HAP1: variants seen among roughly 807,000 people sequenced by gnomAD.
HAP1 encodes the protein huntingtin associated protein 1, also known as huntingtin-associated protein 1.
Under a neutral mutation model 60.3 loss-of-function variants are expected in HAP1, and 59 were observed. The observed-to-expected ratio is 0.98, with a 90% CI of 0.79 to 1.22. The LOEUF is 1.22. Ranked by LOEUF, HAP1 falls within the 50% of genes most tolerant of loss-of-function variation. HAP1 has a pLI of 0.00. For synonymous variants in HAP1, 346 were observed against 330.6 expected, an observed-to-expected ratio of 1.05 and a Z score of -0.50; for missense variants, 825 against 785.3, an observed-to-expected ratio of 1.05 and a Z score of -0.60.
chr17:41,727,244 G>A (rs1239449397), intron 8 of HAP1, 100 bp from the exon 9 acceptor site: 1 of 801,582 alleles, frequency 1.2e-6, no homozygotes, highest in Non-Finnish European at 2.3e-6. Flanking sequence ...AGCCACCAAG[G>A]CTGAGACACA....
At chr17:41,727,496 C>G in intron 8 of HAP1, 1 of 766,678 alleles carries the variant, frequency 1.3e-6, no homozygotes, top group East Asian at 2.4e-5. Context: ...TCCTGCCTAT[C>G]TGCTCTCAGG....
chr17:41,727,950 T>A, intron 7 of HAP1, 114 bp from the exon 8 acceptor site: 1 of 742,658 alleles, frequency 1.3e-6, no homozygotes, highest in Non-Finnish European at 2.3e-6. Context: ...GCCCATGAAA[T>A]GACAAGTCAC....
In HAP1 at chr17:41,727,928, G is replaced by A. The variant is rs562773440; in HGVS notation, c.1201-92C>T. The A allele has an allele frequency of 1.8e-5, 15 of 818,868 alleles. No individual in the cohort carries two copies. In the African/African-American group the frequency reaches 2.2e-4, roughly 12 times the overall value. The allele number at this position is 818,868 out of a possible 1,614,324, so 50.7% of individuals were successfully genotyped here. On this transcript the variant is annotated intron_variant, in intron 7 of 10. Coordinates refer to ENST00000347901, the MANE Select transcript of HAP1 (RefSeq NM_177977.3). ...AGCAAGTCTTCCCAGGCACATCAGT[G>A]AGTCCTTGGCAGCCCATGAAATGAC...
chr17:41,726,560 C>CA (rs57464420), intron 9 of HAP1, among the ~76,000 whole-genome samples: 5,805 of 113,748 alleles, frequency 0.051, 262 homozygotes, highest in African/African-American at 0.13. Context: ...AGACTCGTCT[C>CA]AAAAAAAAAA....
downstream of HAP1, among the ~76,000 whole-genome samples, chr17:41,719,653 A>G (rs1334719888): frequency 2.6e-5 from 4 of 151,520 alleles, no homozygotes; most frequent in African/African-American, 9.7e-5. Flanking sequence ...AGATCACGCC[A>G]TTGCACTCCA....
In HAP1 at chr17:41,734,460, G is replaced by A. The variant is rs782036001; in HGVS notation, c.175C>T (p.Gln59Ter). The stretch of plus-strand genomic sequence containing the variant: ...CCGGTGCGGGCTTCCGAGAGGAACT[G>A]GGATCCAGAGGTGGCTCGGGATCCT... ...RVGSRATSGS[Q>*]FLSEARTGAR... Residue 59 changes from glutamine (Q) to a stop codon, truncating the protein, a stop_gained, in exon 1 of 11, where the codon CAG becomes TAG. Transcript: ENST00000347901. LOFTEE classifies it high-confidence loss of function. 12 of 1,610,200 alleles carry A rather than the reference G, an allele frequency of 7.5e-6. No homozygotes were observed. The highest frequency in any genetic ancestry group is 4.2e-6 in the Non-Finnish European group (5 of 1,177,984).
chr17:41,724,898 C>A lies in HAP1; in HGVS notation c.1663G>T (p.Val555Leu). The A allele has an allele frequency of 6.2e-7, 1 of 1,613,712 alleles. No homozygotes were observed. The change falls in exon 11 of 11, where the codon GTG (valine) becomes TTG (leucine). Residue 555 changes from valine (V) to leucine (L), a missense_variant. By Grantham distance (32) the Val-to-Leu change is conservative. Transcript: ENST00000347901. ...LELDEATRMNVVTSALEASGL... is the reference protein window; with the variant it reads ...LELDEATRMNLVTSALEASGL... Reference sequence around the variant, plus strand: ...CTGGCCTCCAGGGCTGATGTCACCACGTTCATCCGCGTTGCCTCATCCAGC... The same window carrying A: ...CTGGCCTCCAGGGCTGATGTCACCAAGTTCATCCGCGTTGCCTCATCCAGC...
rs782547102 is a variant in HAP1 at position 41,728,292 on chromosome 17, A to G, written c.1109T>C (p.Leu370Pro). 9 of 1,613,608 alleles carry G rather than the reference A, an allele frequency of 5.6e-6. No homozygotes were observed. Among genetic ancestry groups the G allele is most frequent in the South Asian group, 3.3e-5 (3 of 91,084 alleles). ...TTCATAGTTTTCCAGCCTGAGCACC[A>G]GCACCTCCGACAGCTCAGCCATCTG... ...SQQMAELSEV[L>P]VLRLENYERQ... The change falls in exon 7 of 11, where the codon CTG (leucine) becomes CCG (proline). Residue 370 changes from leucine to proline, a missense_variant. By Grantham distance (98) the Leu-to-Pro change is moderately conservative. Coordinates refer to ENST00000347901, the MANE Select transcript of HAP1 (RefSeq NM_177977.3).
intron 9 of HAP1, among the ~76,000 whole-genome samples, chr17:41,726,237 T>C (rs2143202067): frequency 6.6e-6 from 1 of 151,962 alleles, no homozygotes; most frequent in South Asian, 2.1e-4. Context: ...ACATCTCTAC[T>C]GGCCCATCTC....
At position 41,724,907 on chromosome 17, in the gene HAP1, G is replaced by A. The variant is rs782522588; in HGVS notation, c.1654C>T (p.Arg552Trp). The stretch of plus-strand genomic sequence containing the variant: ...AGGGCTGATGTCACCACGTTCATCC[G>A]CGTTGCCTCATCCAGCTCCAGTTCC... ...EVELELDEAT[R>W]MNVVTSALEA... Residue 552 changes from arginine (R) to tryptophan (W), a missense_variant, in exon 11 of 11, where the codon CGG becomes TGG. Arg to Trp is a moderately radical substitution (Grantham distance 101). Coordinates refer to ENST00000347901, the MANE Select transcript of HAP1 (RefSeq NM_177977.3). 1.9e-5 allele frequency: 30 copies of A among 1,613,490 alleles called. No homozygotes were observed. In the East Asian group the frequency reaches 4.7e-4, roughly 25 times the overall value.
At chr17:41,730,803 T>C (rs1307613500) in intron 6 of HAP1, among the ~76,000 whole-genome samples, 1 of 152,210 alleles carries the variant, frequency 6.6e-6, no homozygotes, top group Non-Finnish European at 1.5e-5. Context: ...GCACAGCCAC[T>C]GCCCCGTGCA....
intron 10 of HAP1, among the ~76,000 whole-genome samples, 199 bp downstream of exon 10, chr17:41,725,660 G>T (rs1911571456): frequency 6.6e-6 from 1 of 152,186 alleles, no homozygotes; most frequent in South Asian, 2.1e-4. Context: ...ACTCAGAGCT[G>T]CCTGGAATCA....
chr17:41,732,524 T>C, intron 2 of HAP1, 130 bp from the exon 3 acceptor site: 2 of 1,068,740 alleles, frequency 1.9e-6, no homozygotes, highest in Non-Finnish European at 2.7e-6. Context: ...TTTCCCCTCA[T>C]GGAAAAAGAA....
intron 8 of HAP1, 28 bp downstream of exon 8, chr17:41,727,734 G>T (rs369511839): frequency 8.5e-6 from 13 of 1,527,726 alleles, no homozygotes; most frequent in East Asian, 4.5e-5. Context: ...TCTCCAGGGT[G>T]GGGGCAGAAG....
chr17:41,725,996 G>A (rs1431584683), intron 9 of HAP1, 99 bp from the exon 10 acceptor site: 1 of 894,520 alleles, frequency 1.1e-6, no homozygotes, highest in African/African-American at 1.6e-5. Flanking sequence ...GTGGCCATGA[G>A]CAGTGGCTCA....
chr17:41,723,932 C>G lies in HAP1; in HGVS notation c.*769G>C, dbSNP rs1180213178. 6.6e-6 allele frequency: 1 copy of G among 152,386 alleles called. No individual in the cohort carries two copies. The highest frequency in any genetic ancestry group is 2.4e-5 in the African/African-American group (1 of 41,462). The allele number at this position is 152,386 out of a possible 1,614,324, so 9.4% of individuals were successfully genotyped here. ...TGTCCTTAGCTCTCTGAGCCTCACC[C>G]TCCTCACCTAACCAATGGGGACACA... is the stretch of plus-strand genomic sequence containing the variant. On this transcript the variant is annotated 3_prime_UTR_variant, in exon 11 of 11. Coordinates refer to ENST00000347901, the MANE Select transcript of HAP1 (RefSeq NM_177977.3).
chr17:41,729,436 G>A (rs1911949287), intron 6 of HAP1, among the ~76,000 whole-genome samples: 2 of 147,840 alleles, frequency 1.4e-5, no homozygotes, highest in Admixed American at 6.8e-5. Flanking sequence ...TGTAATCCCA[G>A]CTACTCGGGA....
chr17:41,725,616 C>T (rs1911568670), intron 10 of HAP1, among the ~76,000 whole-genome samples: 1 of 152,178 alleles, frequency 6.6e-6, no homozygotes, highest in African/African-American at 2.4e-5. Flanking sequence ...CACCTCTCAG[C>T]CCATAGTCAG....
Position 41,731,718 on chromosome 17 carries a change from G to C in HAP1, c.922C>G (p.Gln308Glu), listed in dbSNP as rs139058506. The change falls in exon 5 of 11, where the codon CAG becomes GAG. Residue 308 changes from glutamine to glutamate, a missense_variant. Transcript: ENST00000347901. Reference sequence around the variant, plus strand: ...GCTTCCAGCTGTGGGCAGTGGTGCTGGTGCAGCAATGCCTCCTGCGAAATC... The same window carrying C: ...GCTTCCAGCTGTGGGCAGTGGTGCTCGTGCAGCAATGCCTCCTGCGAAATC... Reference protein sequence around the residue: ...KLISQEALLHQHHCPQLEALQ... With the variant: ...KLISQEALLHEHHCPQLEALQ... The C allele has an allele frequency of 1.7e-5, 27 of 1,613,442 alleles. No individual in the cohort carries two copies. The African/African-American group carries it at 3.3e-4, about 20-fold the overall frequency.
Sources: gnomAD v4.1 joint callset for allele counts (sites outside exome capture counted in the v4.1 genomes callset) on GRCh38, gnomAD v4.1.1 for gene constraint, MANE v1.5 for transcripts, NCBI Gene and HGNC (gene_info 2026-07-23, HGNC 2026-07-21) for gene names.